NDST3: variants seen among roughly 807,000 people sequenced by gnomAD.
The protein encoded by NDST3 is bifunctional heparan sulfate N-deacetylase/N-sulfotransferase 3.
In NDST3, 58 loss-of-function variants were observed where a neutral mutation model predicts 96.1. The ratio of observed to expected loss-of-function variants is 0.60; its 90% CI spans 0.49 to 0.75. The LOEUF is 0.75. Ranked by LOEUF, NDST3 falls within the 30% of genes least tolerant of loss-of-function variation. NDST3 has a pLI of 0.00. For synonymous variants in NDST3, 333 were observed against 359.7 expected (o/e 0.93, Z 0.84); for missense variants, 788 against 1,034.2 (o/e 0.76, Z 3.27).
At chr4:118,056,430 T>A (rs1233901867) in intron 2 of NDST3, among the ~76,000 whole-genome samples, 3 of 151,980 alleles carry the variant, frequency 2.0e-5, no homozygotes, top group Admixed American at 1.3e-4. Flanking sequence ...CTTTATGAAC[T>A]GCTCATATTT....
At chr4:118,152,864 C>T (rs1318633687) in intron 6 of NDST3, among the ~76,000 whole-genome samples, 4 of 152,192 alleles carry the variant, frequency 2.6e-5, no homozygotes, top group African/African-American at 7.2e-5. Flanking sequence ...CTGCCTCGTC[C>T]GCTGGATTCT....
chr4:118,071,966 T>C (rs1354025820), intron 2 of NDST3, among the ~76,000 whole-genome samples: 1 of 152,028 alleles, frequency 6.6e-6, no homozygotes, highest in Non-Finnish European at 1.5e-5. Context: ...CGGTATCTCA[T>C]TGTGGTTTTT....
chr4:118,127,391 G>C (rs112489724), intron 4 of NDST3, among the ~76,000 whole-genome samples: 2,941 of 152,078 alleles, frequency 0.019, 38 homozygotes, highest in South Asian at 0.034. Flanking sequence ...CAGGGGTTCA[G>C]CTTAATTTTT....
chr4:118,132,456 T>C (rs1197877180), intron 4 of NDST3, among the ~76,000 whole-genome samples: 1 of 152,096 alleles, frequency 6.6e-6, no homozygotes, highest in Non-Finnish European at 1.5e-5. Flanking sequence ...ATTCACCCTC[T>C]GCACAGTGGG....
At chr4:118,068,335 A>G (rs1726771011) in intron 2 of NDST3, among the ~76,000 whole-genome samples, 1 of 152,068 alleles carries the variant, frequency 6.6e-6, no homozygotes, top group East Asian at 1.9e-4. Flanking sequence ...AAACACAGAT[A>G]TTACTGGGCA....
chr4:118,233,852 C>T lies in NDST3; in HGVS notation c.1943+717C>T, dbSNP rs539620954. Among the ~76,000 whole-genome samples the T allele has an allele frequency of 2.2e-4, 33 of 152,240 alleles. No individual in the cohort carries two copies. The South Asian group carries it at 6.0e-3, about 28-fold the overall frequency. On this transcript the variant is annotated intron_variant, in intron 9 of 13. Coordinates refer to ENST00000296499, the MANE Select transcript of NDST3 (RefSeq NM_004784.3). The stretch of plus-strand genomic sequence containing the variant: ...GGAGTGAATTATAATAATTCTGCAG[C>T]ATAAATATATTTTGCATGTATTTTA...
chr4:118,249,089 T>C (rs777111273), intron 12 of NDST3, among the ~76,000 whole-genome samples: 1 of 152,228 alleles, frequency 6.6e-6, no homozygotes. Context: ...GCATAAGATC[T>C]AATTAATTAG....
rs942584936 is a variant in NDST3 at position 118,161,582 on chromosome 4, G to A, written c.1539+17898G>A. On this transcript the variant is annotated intron_variant, in intron 6 of 13. Transcript: ENST00000296499. The stretch of plus-strand genomic sequence containing the variant: ...TAAGCAAGCCTGGGCGATGGTGGGC[G>A]CCTATCCCCCAGCCTCGCTGCCGCC... Among the ~76,000 whole-genome samples, 8 of 152,264 alleles carry A rather than the reference G, an allele frequency of 5.3e-5. No individual in the cohort carries two copies. In the South Asian group the frequency reaches 1.0e-3, roughly 20 times the overall value.
At chr4:118,095,068 G>A (rs1259490226) in intron 2 of NDST3, among the ~76,000 whole-genome samples, 2 of 151,760 alleles carry the variant, frequency 1.3e-5, no homozygotes, top group African/African-American at 4.8e-5. Context: ...TACCTTAACA[G>A]AGCTGGGTGA....
intron 2 of NDST3, among the ~76,000 whole-genome samples, chr4:118,068,461 C>A (rs1726778817): frequency 6.6e-6 from 1 of 152,072 alleles, no homozygotes; most frequent in South Asian, 2.1e-4. Context: ...CATTCTTTTA[C>A]TCTGTGATGT....
At position 118,255,582 on chromosome 4, in the gene NDST3, TC is replaced by T; in HGVS notation, c.2503-10del. 4.4e-6 allele frequency: 7 copies of T among 1,600,204 alleles called. No homozygotes were observed. The highest frequency in any genetic ancestry group is 6.0e-6 in the Non-Finnish European group (7 of 1,173,200). ...AATAAAATGTACTTTTCTCTCCTCC[TC>T]TCCACTTAGAGCAGGACATTTCTGT... On this transcript the variant is annotated splice_polypyrimidine_tract_variant and intron_variant, in intron 13 of 13. Transcript: ENST00000296499.
chr4:118,065,997 C>T (rs888652933), intron 2 of NDST3, among the ~76,000 whole-genome samples: 1 of 141,470 alleles, frequency 7.1e-6, no homozygotes, highest in Non-Finnish European at 1.5e-5. Flanking sequence ...TGTTGAGGCA[C>T]TGAACAAAGA....
intron 1 of NDST3, among the ~76,000 whole-genome samples, chr4:118,044,647 G>T (rs1156531448): frequency 6.6e-6 from 1 of 152,192 alleles, no homozygotes; most frequent in Non-Finnish European, 1.5e-5. Flanking sequence ...CAAGAAAGTT[G>T]TGTGTCTCTA....
At chr4:118,154,065 A>G (rs1182305183) in intron 6 of NDST3, among the ~76,000 whole-genome samples, 1 of 152,184 alleles carries the variant, frequency 6.6e-6, no homozygotes, top group East Asian at 1.9e-4. Context: ...CTTCATACAC[A>G]TGTACACACA....
chr4:118,051,191 C>A (rs1046430836), intron 1 of NDST3, among the ~76,000 whole-genome samples: 3 of 152,164 alleles, frequency 2.0e-5, no homozygotes, highest in African/African-American at 7.2e-5. Flanking sequence ...AAACTGGACC[C>A]TTACCTTTTA....
chr4:118,167,059 A>C (rs1735599967), intron 6 of NDST3, among the ~76,000 whole-genome samples: 1 of 151,846 alleles, frequency 6.6e-6, no homozygotes, highest in Non-Finnish European at 1.5e-5. Flanking sequence ...GGCAAGAAAA[A>C]AAAAAAGACA....
intron 13 of NDST3, among the ~76,000 whole-genome samples, chr4:118,254,588 CTAA>C (rs1229462272): frequency 1.3e-5 from 2 of 152,110 alleles, no homozygotes; most frequent in Admixed American, 1.3e-4. Context: ...TTAAGATTTA[CTAA>C]TAATATTTTT....
At chr4:118,108,491 G>A (rs557119703) in intron 3 of NDST3, among the ~76,000 whole-genome samples, 30 of 152,118 alleles carry the variant, frequency 2.0e-4, no homozygotes, top group South Asian at 1.9e-3. Context: ...GTATGTATTT[G>A]ATGAGTACCT....
intron 6 of NDST3, among the ~76,000 whole-genome samples, chr4:118,179,264 A>G (rs1214243448): frequency 6.6e-6 from 1 of 152,090 alleles, no homozygotes; most frequent in Non-Finnish European, 1.5e-5. Flanking sequence ...TGTAAGATTT[A>G]CCTAAATGAG....
Sources: allele counts gnomAD v4.1 joint callset (sites outside exome capture counted in the v4.1 genomes callset), GRCh38; gene constraint gnomAD v4.1.1; transcripts MANE v1.5; gene names NCBI Gene and HGNC (gene_info 2026-07-23, HGNC 2026-07-21).